CHML: variants seen among roughly 807,000 people sequenced by gnomAD.
The protein encoded by CHML is rab proteins geranylgeranyltransferase component A 2.
Under a neutral mutation model 30.4 loss-of-function variants are expected in CHML, and 20 were observed. The observed-to-expected ratio is 0.66, with a 90% CI of 0.46 to 0.95. The LOEUF is 0.95. CHML is among the 40% of genes least tolerant of loss of function. The probability of loss-of-function intolerance (pLI) is 0.00; values close to 1 mark genes in which losing one functional copy is unlikely to be tolerated. For missense variants in CHML, 795 were observed against 768.5 expected (o/e 1.03, Z -0.41); for synonymous variants, 281 against 275.0 (o/e 1.02, Z -0.22).
Position 241,634,556 on chromosome 1 carries a change from T to C in CHML, c.1211A>G (p.His404Arg), listed in dbSNP as rs758394640. The stretch of plus-strand genomic sequence containing the variant: ...GTCGACTACAAAGCATTGTACTTTA[T>C]GACGAAGACAATAGATTCCACCAAA... Reference protein sequence around the residue: ...AVFGGIYCLRHKVQCFVVDKE... With the variant: ...AVFGGIYCLRRKVQCFVVDKE... The change falls in exon 2 of 2, where the codon CAT (histidine) becomes CGT (arginine). Residue 404 changes from histidine (H) to arginine (R), a missense_variant. His to Arg is a conservative substitution (Grantham distance 29). Transcript: ENST00000366553. 5.7e-5 allele frequency: 92 copies of C among 1,613,764 alleles called. No individual in the cohort carries two copies. The highest frequency in any genetic ancestry group is 7.5e-5 in the Non-Finnish European group (89 of 1,179,874).
rs561929720 is a variant in CHML, at chr1:241,634,250, T to C, written c.1517A>G (p.Tyr506Cys). Residue 506 changes from tyrosine (Y) to cysteine (C), a missense_variant, in exon 2 of 2, where the codon TAT (tyrosine) becomes TGT (cysteine). By Grantham distance (194) the Tyr-to-Cys change is radical. Transcript: ENST00000366553. ...SSTMTCMKDT[Y>C]LVHLTCSSSK... ...AGATGAACATGTCAAATGTACCAGA[T>C]AGGTGTCCTTCATGCATGTCATGGT... The C allele has an allele frequency of 1.6e-5, 26 of 1,613,966 alleles. No homozygotes were observed. The highest frequency in any genetic ancestry group is 3.3e-4 in the Middle Eastern group (2 of 6,062).
At position 241,633,754 on chromosome 1, in the gene CHML, C is replaced by T. The variant is rs1213139181; in HGVS notation, c.*42G>A. ...TCCTTTAAATGAGAAAATTCTGATG[C>T]CATGAAGGAGGTCCAAAACAGCATT... On this transcript the variant is annotated 3_prime_UTR_variant, in exon 2 of 2. Transcript: ENST00000366553. 1 of 1,601,406 alleles carries T rather than the reference C, an allele frequency of 6.2e-7. No homozygotes were observed. The highest frequency in any genetic ancestry group is 8.5e-7 in the Non-Finnish European group (1 of 1,174,528).
Position 241,634,024 on chromosome 1 carries a change from G to A in CHML, c.1743C>T (p.Asp581=), listed in dbSNP as rs200186834. The change falls in exon 2 of 2, where the codon GAC becomes GAT. Residue 581 remains aspartate (D), a synonymous_variant. Transcript: ENST00000366553. Reference sequence around the variant, plus strand: ...CAGCATGCTCATTTCCCAGGCCACAGTCAGGCCCAGAGCAGACATAAACAT... The same window carrying A: ...CAGCATGCTCATTTCCCAGGCCACAATCAGGCCCAGAGCAGACATAAACAT... The part of the protein sequence containing the change: ...PSNVYVCSGP[D]CGLGNEHAVK... 6.2e-7 allele frequency: 1 copy of A among 1,613,796 alleles called. No individual in the cohort carries two copies. Among genetic ancestry groups the A allele is most frequent in the Non-Finnish European group, 8.5e-7 (1 of 1,179,852 alleles).
In CHML at chr1:241,629,163, C is replaced by G. The variant is rs1664518425; in HGVS notation, c.*4633G>C. On this transcript the variant is annotated 3_prime_UTR_variant, in exon 2 of 2. Coordinates refer to ENST00000366553, the MANE Select transcript of CHML (RefSeq NM_001381853.1). ...TTTCCAATCGTTGGGCTTTTTTCCC[C>G]CTTAAAGTTATCTGAGTGGAACTGC... The G allele has an allele frequency of 6.6e-6, 1 of 152,454 alleles. No homozygotes were observed. Among genetic ancestry groups the G allele is most frequent in the Non-Finnish European group, 1.5e-5 (1 of 67,962 alleles). 9.4% of individuals were successfully genotyped at this position (152,454 alleles called of 1,614,324 possible).
rs755198774 is a variant in CHML at position 241,639,979 on chromosome 1, G to A, written c.-405C>T. 1.3e-4 allele frequency: 204 copies of A among 1,612,626 alleles called. No homozygotes were observed. Among genetic ancestry groups the A allele is most frequent in the Non-Finnish European group, 1.7e-4 (199 of 1,179,472 alleles). On this transcript the variant is annotated 5_prime_UTR_variant, in exon 1 of 2. Transcript: ENST00000366553. ...ACACGAAGGTAAAGGTGACCCCGAAGAGGGACACCAGCAGGTCGCTGAGGC... is the reference window on the plus strand; with the variant it reads ...ACACGAAGGTAAAGGTGACCCCGAAAAGGGACACCAGCAGGTCGCTGAGGC...
Position 241,634,878 on chromosome 1 carries a change from GCATCCTCTTTTCAAC to G in CHML, c.874_888del (p.Val292_Met296del), listed in dbSNP as rs1324436989. ...AAACAAAATGTGAGAAATTTCATTA[GCATCCTCTTTTCAAC>G]CATGGTGAGTTCCTTGCTATTAAAG... On this transcript the variant is annotated inframe_deletion, in exon 2 of 2. Coordinates refer to ENST00000366553, the MANE Select transcript of CHML (RefSeq NM_001381853.1). The G allele has an allele frequency of 6.2e-7, 1 of 1,609,816 alleles. No individual in the cohort carries two copies. Among genetic ancestry groups the G allele is most frequent in the Non-Finnish European group, 8.5e-7 (1 of 1,178,464 alleles).
chr1:241,634,250 T>A lies in CHML; in HGVS notation c.1517A>T (p.Tyr506Phe). ...AGATGAACATGTCAAATGTACCAGA[T>A]AGGTGTCCTTCATGCATGTCATGGT... ...SSTMTCMKDT[Y>F]LVHLTCSSSK... Residue 506 changes from tyrosine (Y) to phenylalanine (F), a missense_variant, in exon 2 of 2, where the codon TAT becomes TTT. Tyr to Phe is a conservative substitution (Grantham distance 22). Coordinates refer to ENST00000366553, the MANE Select transcript of CHML (RefSeq NM_001381853.1). The A allele has an allele frequency of 6.2e-7, 1 of 1,613,966 alleles. No homozygotes were observed.
At chr1:241,638,115 T>G (rs1348575543) in intron 1 of CHML, among the ~76,000 whole-genome samples, 2 of 152,216 alleles carry the variant, frequency 1.3e-5, no homozygotes, top group African/African-American at 2.4e-5. Flanking sequence ...TCTCGGAATC[T>G]CTTATCTCAG....
chr1:241,638,836 T>C (rs1001530576), intron 1 of CHML, among the ~76,000 whole-genome samples: 4 of 152,194 alleles, frequency 2.6e-5, no homozygotes, highest in African/African-American at 9.7e-5. Context: ...TAAGAAAATA[T>C]TTTTGATAAT....
Position 241,634,627 on chromosome 1 carries a change from A to G in CHML, c.1140T>C (p.Tyr380=). 6.2e-7 allele frequency: 1 copy of G among 1,613,980 alleles called. No individual in the cohort carries two copies. Among genetic ancestry groups the G allele is most frequent in the East Asian group, 2.2e-5 (1 of 44,880 alleles). The change falls in exon 2 of 2, where the codon TAT becomes TAC. Residue 380 remains tyrosine (Y), a synonymous_variant. Coordinates refer to ENST00000366553, the MANE Select transcript of CHML (RefSeq NM_001381853.1). ...FGNTPFLFPL[Y]GQGEIPQGFC... is the part of the protein sequence containing the mutation. ...AACCCTGGGGAATTTCTCCTTGGCC[A>G]TACAAGGGAAATAAAAAGGGGGTGT...
Position 241,631,829 on chromosome 1 carries a change from T to C in CHML, c.*1967A>G, listed in dbSNP as rs928904148. 6.6e-6 allele frequency: 1 copy of C among 152,156 alleles called. No homozygotes were observed. The highest frequency in any genetic ancestry group is 2.4e-5 in the African/African-American group (1 of 41,442). The allele number at this position is 152,156 out of a possible 1,614,324, so 9.4% of individuals were successfully genotyped here. ...GTGTGCTTTTTACCCCCGGCAATGCTAGACTAATTTTCGTGGGCACTTTCT... is the reference window on the plus strand; with the variant it reads ...GTGTGCTTTTTACCCCCGGCAATGCCAGACTAATTTTCGTGGGCACTTTCT... On this transcript the variant is annotated 3_prime_UTR_variant, in exon 2 of 2. Transcript: ENST00000366553.
In CHML at chr1:241,634,342, G is replaced by T; in HGVS notation, c.1425C>A (p.Ser475=). Residue 475 remains serine (S), a synonymous_variant, in exon 2 of 2, where the codon TCC becomes TCA. Transcript: ENST00000366553. ...GCTCTGCTGGAGGAACTATCAGAATGGAAGTCTGCTGATCTAAATCTGTCT... is the reference window on the plus strand; with the variant it reads ...GCTCTGCTGGAGGAACTATCAGAATTGAAGTCTGCTGATCTAAATCTGTCT... ...ILKTDLDQQT[S]ILIVPPAEPG... 1 of 1,613,930 alleles carries T rather than the reference G, an allele frequency of 6.2e-7. No individual in the cohort carries two copies. Among genetic ancestry groups the T allele is most frequent in the Non-Finnish European group, 8.5e-7 (1 of 1,179,908 alleles).
At position 241,639,883 on chromosome 1, in the gene CHML, G is replaced by C; in HGVS notation, c.-309C>G. ...CTGCCTTCTCCCAGTCCAACTCACCGAAGAGGCTGCCGCTAAACCCGTCCC... is the reference window on the plus strand; with the variant it reads ...CTGCCTTCTCCCAGTCCAACTCACCCAAGAGGCTGCCGCTAAACCCGTCCC... On this transcript the variant is annotated splice_region_variant and 5_prime_UTR_variant, in exon 1 of 2. Transcript: ENST00000366553. The C allele has an allele frequency of 6.4e-7, 1 of 1,569,466 alleles. No homozygotes were observed. The highest frequency in any genetic ancestry group is 8.6e-7 in the Non-Finnish European group (1 of 1,156,968).
Position 241,629,389 on chromosome 1 carries a change from G to T in CHML, c.*4407C>A, listed in dbSNP as rs755262581. On this transcript the variant is annotated 3_prime_UTR_variant, in exon 2 of 2. Transcript: ENST00000366553. ...AACAGTTTTGCTAATACAATAGCAT[G>T]AACTAAGTCAAAGTTGCATTTTTAA... 6.6e-6 allele frequency: 1 copy of T among 152,106 alleles called. No homozygotes were observed. The highest frequency in any genetic ancestry group is 1.5e-5 in the Non-Finnish European group (1 of 67,960). The allele number at this position is 152,106 out of a possible 1,614,324, so 9.4% of individuals were successfully genotyped here. A position where few individuals can be genotyped will look rare whatever the true frequency, so the allele number is the denominator to read the frequency against.
At position 241,639,948 on chromosome 1, in the gene CHML, G is replaced by A; in HGVS notation, c.-374C>T. The A allele has an allele frequency of 6.2e-7, 1 of 1,609,232 alleles. No homozygotes were observed. Among genetic ancestry groups the A allele is most frequent in the Non-Finnish European group, 8.5e-7 (1 of 1,178,164 alleles). On this transcript the variant is annotated 5_prime_UTR_variant, in exon 1 of 2. Transcript: ENST00000366553. Reference sequence around the variant, plus strand: ...GTGTCCCACACCCAGCCGTTCCTCAGGCAGGACACGAAGGTAAAGGTGACC... The same window carrying A: ...GTGTCCCACACCCAGCCGTTCCTCAAGCAGGACACGAAGGTAAAGGTGACC...
chr1:241,634,978 A>G lies in CHML; in HGVS notation c.789T>C (p.Thr263=). ...VSRYVEFKNV[T]RILAFREGKV... is the part of the protein sequence containing the mutation. ...TTCCTTCCCGAAATGCAAGAATCCT[A>G]GTGACATTTTTAAATTCTACATAAC... Residue 263 remains threonine (T), a synonymous_variant, in exon 2 of 2, where the codon ACT becomes ACC. Transcript: ENST00000366553. 1 of 1,613,636 alleles carries G rather than the reference A, an allele frequency of 6.2e-7. No individual in the cohort carries two copies. Among genetic ancestry groups the G allele is most frequent in the South Asian group, 1.1e-5 (1 of 91,024 alleles).
chr1:241,634,324 T>C lies in CHML; in HGVS notation c.1443A>G (p.Pro481=). 6.2e-7 allele frequency: 1 copy of C among 1,614,042 alleles called. No individual in the cohort carries two copies. Among genetic ancestry groups the C allele is most frequent in the African/African-American group, 1.3e-5 (1 of 75,052 alleles). Residue 481 remains proline (P), a synonymous_variant, in exon 2 of 2, where the codon CCA becomes CCG. Coordinates refer to ENST00000366553, the MANE Select transcript of CHML (RefSeq NM_001381853.1). ...GTACAGCACAAGCTCCTGGCTCTGC[T>C]GGAGGAACTATCAGAATGGAAGTCT... ...DQQTSILIVP[P]AEPGACAVRV...
rs763762314 is a variant in CHML at position 241,634,264 on chromosome 1, G to A, written c.1503C>T (p.Cys501=). ...VTELCSSTMT[C]MKDTYLVHLT... Reference sequence around the variant, plus strand: ...AATGTACCAGATAGGTGTCCTTCATGCATGTCATGGTTGAAGAACATAATT... The same window carrying A: ...AATGTACCAGATAGGTGTCCTTCATACATGTCATGGTTGAAGAACATAATT... Residue 501 remains cysteine, a synonymous_variant, in exon 2 of 2, where the codon TGC becomes TGT. Coordinates refer to ENST00000366553, the MANE Select transcript of CHML (RefSeq NM_001381853.1). The A allele has an allele frequency of 6.2e-7, 1 of 1,613,888 alleles. No individual in the cohort carries two copies. The highest frequency in any genetic ancestry group is 8.5e-7 in the Non-Finnish European group (1 of 1,179,876).
chr1:241,640,055 T>A lies in CHML; in HGVS notation c.-481A>T. 6.2e-7 allele frequency: 1 copy of A among 1,612,484 alleles called. No individual in the cohort carries two copies. Among genetic ancestry groups the A allele is most frequent in the Non-Finnish European group, 8.5e-7 (1 of 1,179,398 alleles). ...GGGAGTGCGGAGCCGCTGGAACTTG[T>A]AGTAGAGGACGAGCACCAGCAGGTT... On this transcript the variant is annotated 5_prime_UTR_variant, in exon 1 of 2. Coordinates refer to ENST00000366553, the MANE Select transcript of CHML (RefSeq NM_001381853.1).
Sources: gnomAD v4.1 joint callset for allele counts (sites outside exome capture counted in the v4.1 genomes callset) on GRCh38, gnomAD v4.1.1 for gene constraint, MANE v1.5 for transcripts, NCBI Gene and HGNC (gene_info 2026-07-23, HGNC 2026-07-21) for gene names.